Variants in GTF2A1L observed in about 807,000 individuals in gnomAD.
The protein encoded by GTF2A1L is general transcription factor IIA subunit 1 like.
Under a neutral mutation model 49.7 loss-of-function variants are expected in GTF2A1L, and 48 were observed. That is an observed-to-expected ratio of 0.97 (90% confidence interval 0.77 to 1.23). The LOEUF (loss-of-function observed/expected upper bound fraction) is 1.23. GTF2A1L is among the 50% of genes most tolerant of loss of function. The pLI, the probability that GTF2A1L is intolerant of heterozygous loss-of-function variation, is 0.00. For synonymous variants in GTF2A1L, 246 were observed against 193.5 expected, an observed-to-expected ratio of 1.27 and a Z score of -2.25; for missense variants, 736 against 564.8, an observed-to-expected ratio of 1.30 and a Z score of -3.07.
chr2:48,650,801 A>G (rs1314830245), intron 6 of GTF2A1L, among the ~76,000 whole-genome samples: 1 of 152,210 alleles, frequency 6.6e-6, no homozygotes, highest in Non-Finnish European at 1.5e-5. Context: ...GTCAGGCAAT[A>G]TATAATTATC....
chr2:48,626,573 G>A (rs1028115735), intron 3 of GTF2A1L, among the ~76,000 whole-genome samples: 1 of 143,482 alleles, frequency 7.0e-6, no homozygotes, highest in Non-Finnish European at 1.6e-5. Context: ...AGTTTTCAGT[G>A]TACATATCTT....
intron 3 of GTF2A1L, among the ~76,000 whole-genome samples, chr2:48,636,601 A>T (rs1228326926): frequency 6.6e-6 from 1 of 152,228 alleles, no homozygotes; most frequent in East Asian, 1.9e-4. Flanking sequence ...AATGAGAAAA[A>T]GGCATACTTT....
chr2:48,642,719 G>C (rs1299190736), intron 4 of GTF2A1L, among the ~76,000 whole-genome samples: 1 of 152,036 alleles, frequency 6.6e-6, no homozygotes, highest in Non-Finnish European at 1.5e-5. Context: ...GCTGGGTGTA[G>C]TGGTGGGCGC....
At chr2:48,622,805 G>T (rs1054480470) in intron 3 of GTF2A1L, among the ~76,000 whole-genome samples, 1 of 148,404 alleles carries the variant, frequency 6.7e-6, no homozygotes, top group Non-Finnish European at 1.5e-5. Flanking sequence ...CTGCATTCCA[G>T]CCTGGGCGAC....
At chr2:48,663,320 C>T (rs1678626854) in intron 6 of GTF2A1L, among the ~76,000 whole-genome samples, 1 of 151,924 alleles carries the variant, frequency 6.6e-6, no homozygotes, top group South Asian at 2.1e-4. Context: ...CTTGTAGTTC[C>T]AGCTTCTCGG....
intron 6 of GTF2A1L, among the ~76,000 whole-genome samples, chr2:48,655,749 C>G (rs1407593265): frequency 2.0e-5 from 3 of 151,990 alleles, no homozygotes; most frequent in Non-Finnish European, 4.4e-5. Context: ...AGCTTAGTGA[C>G]AGTAAGTATA....
rs1020700153 is a variant in GTF2A1L at position 48,679,528 on chromosome 2, C to G, written c.*86C>G. The G allele has an allele frequency of 4.5e-6, 7 of 1,564,880 alleles. No individual in the cohort carries two copies. Among genetic ancestry groups the G allele is most frequent in the Non-Finnish European group, 6.0e-6 (7 of 1,161,096 alleles). Reference sequence around the variant, plus strand: ...AATTCATTTTTATTTTGAATATAGTCCAGCACAGAGCTGTTCAAATTTTTA... The same window carrying G: ...AATTCATTTTTATTTTGAATATAGTGCAGCACAGAGCTGTTCAAATTTTTA... On this transcript the variant is annotated 3_prime_UTR_variant, in exon 9 of 9. Coordinates refer to ENST00000403751, the MANE Select transcript of GTF2A1L (RefSeq NM_006872.5).
chr2:48,665,062 C>T (rs1678738593), intron 6 of GTF2A1L, among the ~76,000 whole-genome samples: 1 of 152,046 alleles, frequency 6.6e-6, no homozygotes, highest in African/African-American at 2.4e-5. Context: ...GCTGGGATTA[C>T]AGGTGTGTGC....
At chr2:48,650,438 C>T (rs1677784151) in intron 6 of GTF2A1L, among the ~76,000 whole-genome samples, 1 of 152,014 alleles carries the variant, frequency 6.6e-6, no homozygotes, top group Non-Finnish European at 1.5e-5. Context: ...TGATGTAGCT[C>T]AAAATCAATG....
rs190512004 is a variant in GTF2A1L, at chr2:48,636,370, T to G, written c.248-6032T>G. On this transcript the variant is annotated intron_variant, in intron 3 of 8. Transcript: ENST00000403751. ...AAATTTAGTATAATAATTCTTAGAT[T>G]ATGCAAAGGACTTTCTTACCTTAAG... 1.1e-3 allele frequency among the ~76,000 whole-genome samples: 168 copies of G among 152,348 alleles called. 1 individual carries two copies. Among genetic ancestry groups the G allele is most frequent in the African/African-American group, 3.7e-3 (154 of 41,582 alleles).
At chr2:48,661,009 A>G (rs1377835848) in intron 6 of GTF2A1L, among the ~76,000 whole-genome samples, 1 of 152,014 alleles carries the variant, frequency 6.6e-6, no homozygotes, top group Non-Finnish European at 1.5e-5. Flanking sequence ...TATCAATTTT[A>G]TTGATCTTTT....
Position 48,646,917 on chromosome 2 carries a change from G to T in GTF2A1L, c.853G>T (p.Gly285Trp). ...TGAGTCCCTCTCCACAAGCCCTCAT[G>T]GGGCTCTCCACCAGCACGTGACTGA... ...HDESLSTSPH[G>W]ALHQHVTDIQ... Residue 285 changes from glycine to tryptophan, a missense_variant, in exon 6 of 9, where the codon GGG becomes TGG. Gly to Trp is a radical substitution (Grantham distance 184). Coordinates refer to ENST00000403751, the MANE Select transcript of GTF2A1L (RefSeq NM_006872.5). The T allele has an allele frequency of 6.2e-7, 1 of 1,614,118 alleles. No homozygotes were observed. Among genetic ancestry groups the T allele is most frequent in the Non-Finnish European group, 8.5e-7 (1 of 1,180,030 alleles).
intron 6 of GTF2A1L, among the ~76,000 whole-genome samples, chr2:48,661,247 C>T (rs979521458): frequency 7.7e-4 from 48 of 62,728 alleles, no homozygotes; most frequent in African/African-American, 2.9e-3. Flanking sequence ...CATCCCCAAA[C>T]TTTTTTTTTT....
chr2:48,674,889 T>A (rs887506071), intron 8 of GTF2A1L, among the ~76,000 whole-genome samples: 1 of 152,162 alleles, frequency 6.6e-6, no homozygotes, highest in African/African-American at 2.4e-5. Context: ...TTCTACTTAG[T>A]GAATATTTTA....
chr2:48,679,174 G>C (rs1036579480), intron 8 of GTF2A1L, among the ~76,000 whole-genome samples, 161 bp from the exon 9 acceptor site: 1 of 151,880 alleles, frequency 6.6e-6, no homozygotes, highest in Admixed American at 6.6e-5. Flanking sequence ...TAACACATAG[G>C]AACTCAAATG....
Position 48,639,358 on chromosome 2 carries a change from C to G in GTF2A1L, c.248-3044C>G, listed in dbSNP as rs1241389167. 2.0e-5 allele frequency among the ~76,000 whole-genome samples: 3 copies of G among 152,206 alleles called. No individual in the cohort carries two copies. The East Asian group carries it at 5.8e-4, about 29-fold the overall frequency. On this transcript the variant is annotated intron_variant, in intron 3 of 8. Transcript: ENST00000403751. Reference sequence around the variant, plus strand: ...GTACTGGTACAAACAGACCCATAGGCCAATGGAACAGAATAGACAGCCAGG... The same window carrying G: ...GTACTGGTACAAACAGACCCATAGGGCAATGGAACAGAATAGACAGCCAGG...
chr2:48,645,940 G>A (rs771785189), intron 5 of GTF2A1L, among the ~76,000 whole-genome samples: 20 of 148,556 alleles, frequency 1.3e-4, no homozygotes, highest in Non-Finnish European at 2.4e-4. Context: ...GAGCCACCGC[G>A]CCTGGCCTTT....
At chr2:48,674,774 C>T (rs914647944) in intron 8 of GTF2A1L, among the ~76,000 whole-genome samples, 5 of 151,870 alleles carry the variant, frequency 3.3e-5, no homozygotes, top group East Asian at 3.9e-4. Flanking sequence ...TGTATTTTTG[C>T]GGTGTTTTAT....
At position 48,669,724 on chromosome 2, in the gene GTF2A1L, T is replaced by C; in HGVS notation, c.981T>C (p.Asp327=). 4.4e-6 allele frequency: 7 copies of C among 1,606,542 alleles called. No homozygotes were observed. Among genetic ancestry groups the C allele is most frequent in the Non-Finnish European group, 6.0e-6 (7 of 1,174,862 alleles). The stretch of plus-strand genomic sequence containing the variant: ...ATTGTATTTCTTTCTCTTTTTAGGA[T>C]TCTAATTCTCAGGTGGATTTAAGCA... ...EPSNIPVSEK[D]SNSQVDLSIR... Residue 327 remains aspartate, a splice_region_variant and synonymous_variant, in exon 7 of 9, where the codon GAT becomes GAC. Transcript: ENST00000403751.
Sources: allele counts gnomAD v4.1 joint callset (sites outside exome capture counted in the v4.1 genomes callset), GRCh38; gene constraint gnomAD v4.1.1; transcripts MANE v1.5; gene names NCBI Gene and HGNC (gene_info 2026-07-23, HGNC 2026-07-21).